Variants in PTGER3 observed in about 807,000 individuals in gnomAD.
PTGER3 encodes prostaglandin E receptor 3, also known as prostaglandin E2 receptor EP3 subtype.
Under a neutral mutation model 34.7 loss-of-function variants are expected in PTGER3, and 22 were observed. The ratio of observed to expected loss-of-function variants is 0.63; its 90% CI spans 0.45 to 0.91. The LOEUF (loss-of-function observed/expected upper bound fraction) is 0.91, where lower values mean the gene tolerates loss of function less well. PTGER3 is among the 40% of genes least tolerant of loss of function. The pLI is 0.00. For synonymous variants in PTGER3, 241 were observed against 230.1 expected, an observed-to-expected ratio of 1.05 and a Z score of -0.43; for missense variants, 468 against 519.4, an observed-to-expected ratio of 0.90 and a Z score of 0.96.
intron 4 of PTGER3, among the ~76,000 whole-genome samples, chr1:70,901,616 A>C (rs1646840695): frequency 6.6e-6 from 1 of 152,164 alleles, no homozygotes; most frequent in Non-Finnish European, 1.5e-5. Context: ...GGCAGTACCT[A>C]CCTTCAAAGA....
At chr1:70,949,106 G>A (rs984651749), downstream of PTGER3, among the ~76,000 whole-genome samples, 23 of 151,828 alleles carry the variant, frequency 1.5e-4, no homozygotes, top group South Asian at 6.2e-4. Context: ...TTTATGCGGC[G>A]GAAGGGAGTT....
chr1:70,979,446 G>T (rs1654037833), intron 2 of PTGER3, among the ~76,000 whole-genome samples: 2 of 151,974 alleles, frequency 1.3e-5, no homozygotes, highest in African/African-American at 4.8e-5. Flanking sequence ...ATTCTGTACA[G>T]AGAATACAGA....
chr1:70,951,194 T>C (rs1309045596), downstream of PTGER3: 2 of 152,160 alleles, frequency 1.3e-5, no homozygotes, highest in Non-Finnish European at 1.5e-5. Context: ...TTCTGCATTT[T>C]TGCATCTTCA....
intron 2 of PTGER3, among the ~76,000 whole-genome samples, chr1:70,963,144 C>T (rs145217405): frequency 0.012 from 1,783 of 152,288 alleles, 32 homozygotes; most frequent in African/African-American, 0.041. Flanking sequence ...ATCCAGGTCA[C>T]GCCAATGCAA....
chr1:70,914,157 AT>A (rs753802829), intron 4 of PTGER3, among the ~76,000 whole-genome samples: 4 of 151,798 alleles, frequency 2.6e-5, no homozygotes, highest in Non-Finnish European at 5.9e-5. Flanking sequence ...TGTGAGGGAA[AT>A]GGATGAATGT....
At chr1:71,022,279 A>G (rs1465395081) in intron 1 of PTGER3, among the ~76,000 whole-genome samples, 1 of 151,492 alleles carries the variant, frequency 6.6e-6, no homozygotes, top group Non-Finnish European at 1.5e-5. Flanking sequence ...TAAGAGGTCA[A>G]TGTGTGCATA....
chr1:71,009,269 G>C, intron 2 of PTGER3: 5 of 984,932 alleles, frequency 5.1e-6, no homozygotes, highest in Non-Finnish European at 6.0e-6. Flanking sequence ...TAACTTACAT[G>C]AGGTTTTGCA....
chr1:70,857,149 T>C (rs963711414), intron 4 of PTGER3, among the ~76,000 whole-genome samples: 7 of 152,230 alleles, frequency 4.6e-5, no homozygotes, highest in African/African-American at 1.2e-4. Context: ...TAGTTACTTA[T>C]ATTTGTTGTT....
chr1:71,013,851 A>C (rs1488090311), intron 1 of PTGER3, among the ~76,000 whole-genome samples: 1 of 152,160 alleles, frequency 6.6e-6, no homozygotes, highest in African/African-American at 2.4e-5. Flanking sequence ...ATAGCAAAAA[A>C]AGCAGGAACA....
At chr1:70,902,694 A>G (rs1572600318) in intron 4 of PTGER3, among the ~76,000 whole-genome samples, 1 of 152,252 alleles carries the variant, frequency 6.6e-6, no homozygotes, top group South Asian at 2.1e-4. Context: ...GTAGGAAAGT[A>G]CAACGGATAT....
chr1:71,022,208 T>C (rs1269158130), intron 1 of PTGER3, among the ~76,000 whole-genome samples: 1 of 151,912 alleles, frequency 6.6e-6, no homozygotes, highest in African/African-American at 2.4e-5. Context: ...TATCCATGTA[T>C]TGGTAAAGTG....
chr1:70,898,914 C>T (rs1178970226), intron 4 of PTGER3, among the ~76,000 whole-genome samples: 1 of 152,008 alleles, frequency 6.6e-6, no homozygotes, highest in Non-Finnish European at 1.5e-5. Flanking sequence ...TTTTATGTTC[C>T]TCTTTCTTAA....
chr1:71,005,892 A>C, intron 2 of PTGER3: 1 of 891,936 alleles, frequency 1.1e-6, no homozygotes, highest in African/African-American at 1.8e-5. Flanking sequence ...TATTTATTTT[A>C]ATAATCACAA....
At chr1:70,944,130 C>T (rs1650008678) in intron 4 of PTGER3, among the ~76,000 whole-genome samples, 2 of 152,036 alleles carry the variant, frequency 1.3e-5, no homozygotes, top group Admixed American at 6.6e-5. Context: ...TTCCTTGATG[C>T]TAGTAATAAT....
intron 1 of PTGER3, among the ~76,000 whole-genome samples, chr1:71,034,218 A>G (rs74090215): frequency 0.011 from 1,750 of 152,290 alleles, 40 homozygotes; most frequent in African/African-American, 0.039. Context: ...AATGATTTAT[A>G]CTAGCAGGGA....
At chr1:70,976,193 C>T (rs894259915) in intron 2 of PTGER3, among the ~76,000 whole-genome samples, 4 of 151,942 alleles carry the variant, frequency 2.6e-5, no homozygotes, top group African/African-American at 4.8e-5. Flanking sequence ...ATATGTTTCC[C>T]TAGTGGCACT....
intron 1 of PTGER3, among the ~76,000 whole-genome samples, chr1:71,043,951 A>C (rs1163498786): frequency 6.6e-6 from 1 of 150,896 alleles, no homozygotes; most frequent in South Asian, 2.1e-4. Context: ...CGAGTAACTG[A>C]GATTACAGGC....
At chr1:71,034,058 C>T (rs1387893744) in intron 1 of PTGER3, among the ~76,000 whole-genome samples, 2 of 151,854 alleles carry the variant, frequency 1.3e-5, no homozygotes, top group African/African-American at 4.8e-5. Context: ...TATGATGTGT[C>T]TGTATCTGGA....
chr1:71,012,200 G>T, intron 2 of PTGER3, 105 bp downstream of exon 2: 1 of 1,604,808 alleles, frequency 6.2e-7, no homozygotes. Context: ...GCACATGCAA[G>T]TTAAGTGTTT....
Sources: gnomAD v4.1 joint callset for allele counts (sites outside exome capture counted in the v4.1 genomes callset) on GRCh38, gnomAD v4.1.1 for gene constraint, MANE v1.5 for transcripts, NCBI Gene and HGNC (gene_info 2026-07-23, HGNC 2026-07-21) for gene names.